The following APCDD1L variants were observed in gnomAD, a reference collection of about 807,000 sequenced individuals.
APCDD1L encodes APC down-regulated 1 like.
In APCDD1L, 21 loss-of-function variants were observed where a neutral mutation model predicts 24.2. The observed-to-expected ratio is 0.87, with a 90% CI of 0.61 to 1.25. APCDD1L has a LOEUF of 1.25. Ranked by LOEUF, APCDD1L falls within the 50% of genes most tolerant of loss-of-function variation. The probability of loss-of-function intolerance (pLI) is 0.00; values close to 1 mark genes in which losing one functional copy is unlikely to be tolerated. For missense variants in APCDD1L, 704 were observed against 711.7 expected, an observed-to-expected ratio of 0.99 and a Z score of 0.12; for synonymous variants, 321 against 323.6, an observed-to-expected ratio of 0.99 and a Z score of 0.09.
chr20:58,470,827 G>A (rs1395080884), intron 1 of APCDD1L, 80 bp from the exon 2 acceptor site: 2 of 1,465,548 alleles, frequency 1.4e-6, no homozygotes, highest in Admixed American at 4.7e-5. Flanking sequence ...ACCCCACTGT[G>A]GCCACAGAGA....
intron 3 of APCDD1L, among the ~76,000 whole-genome samples, chr20:58,464,785 C>A (rs1040245462): frequency 3.6e-4 from 55 of 152,066 alleles, no homozygotes; most frequent in African/African-American, 1.2e-3. Context: ...CTTAAGGCAA[C>A]AACTGATTCA....
rs1990272494 is a variant in APCDD1L, at chr20:58,494,006, C to T, written c.49+20653G>A. Reference sequence around the variant, plus strand: ...TACAGTATGTATTATATACTGTATTCTTACAATAAAGTGAGCTAGAGAAAA... The same window carrying T: ...TACAGTATGTATTATATACTGTATTTTTACAATAAAGTGAGCTAGAGAAAA... On this transcript the variant is annotated intron_variant, in intron 1 of 3. Coordinates refer to ENST00000371149, the MANE Select transcript of APCDD1L (RefSeq NM_153360.3). This position sits in a 1 kb window ranked among gnomAD's most constrained non-coding sequence, Gnocchi z 4.8. Among the ~76,000 whole-genome samples, 1 of 152,158 alleles carries T rather than the reference C, an allele frequency of 6.6e-6. No homozygotes were observed. Among genetic ancestry groups the T allele is most frequent in the African/African-American group, 2.4e-5 (1 of 41,436 alleles).
At chr20:58,514,497 C>T (rs965912519) in intron 1 of APCDD1L, among the ~76,000 whole-genome samples, 162 bp downstream of exon 1, 3 of 152,242 alleles carry the variant, frequency 2.0e-5, no homozygotes, top group Non-Finnish European at 4.4e-5. Context: ...CGCGCAGGTG[C>T]CGGCCAGGTG....
chr20:58,511,870 T>C (rs1022305792), intron 1 of APCDD1L, among the ~76,000 whole-genome samples: 7 of 151,634 alleles, frequency 4.6e-5, no homozygotes, highest in Non-Finnish European at 8.8e-5. Context: ...GCAAAGTATA[T>C]AGCGAGAGAT....
rs897173504 is a variant in APCDD1L at position 58,497,016 on chromosome 20, C to T, written c.49+17643G>A. 2.0e-5 allele frequency among the ~76,000 whole-genome samples: 3 copies of T among 152,210 alleles called. No homozygotes were observed. The highest frequency in any genetic ancestry group is 1.5e-5 in the Non-Finnish European group (1 of 68,046). On this transcript the variant is annotated intron_variant, in intron 1 of 3. Coordinates refer to ENST00000371149, the MANE Select transcript of APCDD1L (RefSeq NM_153360.3). This position sits in a 1 kb window ranked among gnomAD's most constrained non-coding sequence, Gnocchi z 4.3. ...CGCGATGCAAATTTGCATATGTATA[C>T]TAGAAGGTCTGAACTTGCAGACACC... is the stretch of plus-strand genomic sequence containing the variant.
At chr20:58,470,571 G>A in intron 2 of APCDD1L, 38 bp downstream of exon 2, 1 of 1,557,492 alleles carries the variant, frequency 6.4e-7, no homozygotes, top group African/African-American at 1.3e-5. Flanking sequence ...AAGTCTCCCA[G>A]TCCAGGGGTC....
intron 1 of APCDD1L, among the ~76,000 whole-genome samples, chr20:58,510,632 C>G (rs1326485353): frequency 4.6e-5 from 7 of 152,244 alleles, no homozygotes; most frequent in African/African-American, 1.7e-4. Flanking sequence ...ATGCCCGGCC[C>G]AATTCTTCCT....
chr20:58,471,063 G>A (rs1286435622), intron 1 of APCDD1L, among the ~76,000 whole-genome samples: 1 of 152,216 alleles, frequency 6.6e-6, no homozygotes, highest in East Asian at 1.9e-4. Context: ...ACGTGGAGCA[G>A]ACTCTTAGAA....
intron 1 of APCDD1L, among the ~76,000 whole-genome samples, chr20:58,504,462 C>T (rs564128988): frequency 7.9e-5 from 12 of 152,206 alleles, no homozygotes; most frequent in Non-Finnish European, 1.6e-4. Context: ...TCAGAAGCAT[C>T]CTAGCCCAGT....
At chr20:58,479,593 CTTTTTTT>C (rs10580833) in intron 1 of APCDD1L, among the ~76,000 whole-genome samples, 41 of 125,406 alleles carry the variant, frequency 3.3e-4, no homozygotes, top group Admixed American at 2.4e-3. Context: ...TTAAGATTTG[CTTTTTTT>C]TTTTTTTTTT....
intron 1 of APCDD1L, among the ~76,000 whole-genome samples, chr20:58,473,052 G>T (rs1332820859): frequency 6.6e-6 from 1 of 152,162 alleles, no homozygotes; most frequent in Non-Finnish European, 1.5e-5. Flanking sequence ...GTGTTGATTT[G>T]GGGGAATGGA....
chr20:58,482,150 T>C (rs1048777144), intron 1 of APCDD1L, among the ~76,000 whole-genome samples: 3 of 152,242 alleles, frequency 2.0e-5, no homozygotes, highest in Non-Finnish European at 4.4e-5. Context: ...TTACATTGTA[T>C]TGAGATTAAG....
At chr20:58,462,135 G>T (rs1989621655) in intron 3 of APCDD1L, among the ~76,000 whole-genome samples, 1 of 152,152 alleles carries the variant, frequency 6.6e-6, no homozygotes, top group Admixed American at 6.5e-5. Flanking sequence ...CTTCGTCTTG[G>T]GACCTGAGAG....
intron 1 of APCDD1L, among the ~76,000 whole-genome samples, chr20:58,484,599 T>C (rs1157062940): frequency 6.6e-6 from 1 of 152,210 alleles, no homozygotes; most frequent in Non-Finnish European, 1.5e-5. Context: ...GCGATCTTTG[T>C]GGAAGGTTGA....
intron 1 of APCDD1L, among the ~76,000 whole-genome samples, chr20:58,513,342 T>A: frequency 6.6e-6 from 1 of 152,142 alleles, no homozygotes; most frequent in East Asian, 1.9e-4. Flanking sequence ...GATGATCAAC[T>A]AACTCTGTGG....
At chr20:58,480,416 T>G in intron 1 of APCDD1L, among the ~76,000 whole-genome samples, 1 of 151,968 alleles carries the variant, frequency 6.6e-6, no homozygotes, top group East Asian at 1.9e-4. Flanking sequence ...AGGGACAGGG[T>G]TTGGTTAGCT....
chr20:58,513,940 A>T lies in APCDD1L; in HGVS notation c.49+719T>A, dbSNP rs994596890. The T allele has an allele frequency of 2.3e-6, 3 of 1,301,828 alleles. No individual in the cohort carries two copies. The African/African-American group carries it at 4.6e-5, about 20-fold the overall frequency. 80.6% of individuals were successfully genotyped at this position (1,301,828 alleles called of 1,614,324 possible). A position where few individuals can be genotyped will look rare whatever the true frequency, so the allele number is the denominator to read the frequency against. ...CTTGGGGATGAGCCCCCAGCTGGGCACACTTCAACTGTGGTTACTGTCATT... is the reference window on the plus strand; with the variant it reads ...CTTGGGGATGAGCCCCCAGCTGGGCTCACTTCAACTGTGGTTACTGTCATT... On this transcript the variant is annotated intron_variant, in intron 1 of 3. Coordinates refer to ENST00000371149, the MANE Select transcript of APCDD1L (RefSeq NM_153360.3).
chr20:58,496,368 G>A (rs73302565), intron 1 of APCDD1L, among the ~76,000 whole-genome samples: 2,551 of 152,354 alleles, frequency 0.017, 89 homozygotes, highest in African/African-American at 0.058. Context: ...GCAGGGTTGT[G>A]GCCCAATGAG....
intron 1 of APCDD1L, among the ~76,000 whole-genome samples, chr20:58,479,291 A>G (rs1452214255): frequency 6.6e-6 from 1 of 152,232 alleles, no homozygotes; most frequent in Non-Finnish European, 1.5e-5. Context: ...CCCCATACCA[A>G]GTCTTCAGAA....
Sources: allele counts gnomAD v4.1 joint callset (sites outside exome capture counted in the v4.1 genomes callset), GRCh38; gene constraint gnomAD v4.1.1; non-coding constraint Gnocchi (gnomAD v3.1); transcripts MANE v1.5; gene names NCBI Gene and HGNC (gene_info 2026-07-23, HGNC 2026-07-21).